The following MICU1 variants were observed in gnomAD, a reference collection of about 807,000 sequenced individuals.
The protein encoded by MICU1 is mitochondrial calcium uptake 1, also known as calcium uptake protein 1, mitochondrial.
A neutral mutation model predicts 56.8 loss-of-function variants in MICU1; 45 were observed. The observed-to-expected ratio is 0.79, with a 90% CI of 0.62 to 1.02. The LOEUF is 1.02. MICU1 is among the 50% of genes least tolerant of loss of function. MICU1 has a pLI of 0.00. For synonymous variants in MICU1, 186 were observed against 195.1 expected (o/e 0.95, Z 0.39); for missense variants, 504 against 587.1 (o/e 0.86, Z 1.46).
At chr10:72,543,882 G>A (rs1365739341) in intron 4 of MICU1, among the ~76,000 whole-genome samples, 8 of 151,942 alleles carry the variant, frequency 5.3e-5, no homozygotes, top group Non-Finnish European at 1.5e-5. Flanking sequence ...GGTAAGGGAG[G>A]AGACCACTCT....
chr10:72,596,440 A>ATTT (rs1841384258), intron 1 of MICU1, among the ~76,000 whole-genome samples: 1 of 152,152 alleles, frequency 6.6e-6, no homozygotes, highest in Non-Finnish European at 1.5e-5. Context: ...TGTCTCAAAA[A>ATTT]AAGATTTTTT....
At chr10:72,403,471 C>A (rs765788447) in intron 10 of MICU1, among the ~76,000 whole-genome samples, 5 of 151,868 alleles carry the variant, frequency 3.3e-5, no homozygotes, top group Non-Finnish European at 4.4e-5. Context: ...CCTGCTTTGA[C>A]CTACCAAAGT....
At chr10:72,484,888 GA>G (rs1231888345) in intron 6 of MICU1, among the ~76,000 whole-genome samples, 5 of 151,932 alleles carry the variant, frequency 3.3e-5, no homozygotes, top group African/African-American at 9.7e-5. Flanking sequence ...AATTCCACAA[GA>G]AACAGTAACA....
intron 1 of MICU1, among the ~76,000 whole-genome samples, chr10:72,608,093 G>A (rs1024486228): frequency 6.6e-6 from 1 of 151,948 alleles, no homozygotes; most frequent in South Asian, 2.1e-4. Flanking sequence ...TTGAGACAGG[G>A]TGTCTCACTG....
At chr10:72,487,307 A>G (rs1473969732) in intron 6 of MICU1, among the ~76,000 whole-genome samples, 1 of 152,178 alleles carries the variant, frequency 6.6e-6, no homozygotes, top group African/African-American at 2.4e-5. Flanking sequence ...CAGAAAAATT[A>G]AAGTTGACCA....
intron 1 of MICU1, among the ~76,000 whole-genome samples, chr10:72,595,383 C>T (rs186245025): frequency 2.8e-5 from 4 of 141,030 alleles, no homozygotes; most frequent in East Asian, 4.3e-4. Flanking sequence ...ACTCAGGAGA[C>T]GGAGGTTGCA....
intron 3 of MICU1, among the ~76,000 whole-genome samples, chr10:72,557,828 T>C (rs1394847902): frequency 1.3e-5 from 2 of 152,228 alleles, no homozygotes; most frequent in Non-Finnish European, 2.9e-5. Flanking sequence ...CATTTTTCTA[T>C]TCATTCTGTT....
chr10:72,475,066 T>A, intron 8 of MICU1, 34 bp downstream of exon 8: 1 of 1,569,566 alleles, frequency 6.4e-7, no homozygotes, highest in Non-Finnish European at 8.7e-7. Flanking sequence ...CAGTTCCACA[T>A]GTGATGGATC....
chr10:72,551,873 T>C (rs564705208), intron 3 of MICU1, among the ~76,000 whole-genome samples: 4 of 152,298 alleles, frequency 2.6e-5, no homozygotes, highest in Non-Finnish European at 5.9e-5. Flanking sequence ...TGGGCTCAAA[T>C]GATCCTTCCG....
intron 8 of MICU1, among the ~76,000 whole-genome samples, chr10:72,435,832 G>T (rs538444161): frequency 2.0e-5 from 3 of 152,270 alleles, no homozygotes; most frequent in Non-Finnish European, 2.9e-5. Context: ...CAGCTGGGCA[G>T]GGGGAGAGGT....
chr10:72,458,095 A>C (rs1865528290), intron 8 of MICU1, among the ~76,000 whole-genome samples: 1 of 151,788 alleles, frequency 6.6e-6, no homozygotes. Context: ...TGAACCTGGG[A>C]GGCGGAGGTT....
chr10:72,511,832 A>C (rs11000335), intron 5 of MICU1, among the ~76,000 whole-genome samples: 85,400 of 152,000 alleles, frequency 0.56, 25,330 homozygotes, highest in Non-Finnish European at 0.67. Flanking sequence ...GCAGCAGCAG[A>C]AAAGTCTGCC....
intron 1 of MICU1, among the ~76,000 whole-genome samples, chr10:72,625,513 C>G (rs1048656623): frequency 1.3e-5 from 2 of 152,218 alleles, no homozygotes; most frequent in Non-Finnish European, 2.9e-5. Context: ...AAAAACTGAA[C>G]AGTCCGAGTA....
chr10:72,550,904 G>A (rs2132443199), intron 4 of MICU1, among the ~76,000 whole-genome samples: 1 of 152,276 alleles, frequency 6.6e-6, no homozygotes, highest in East Asian at 1.9e-4. Context: ...TATGTGTAAT[G>A]TATTGCCTTC....
intron 6 of MICU1, 37 bp downstream of exon 6, chr10:72,508,118 T>C: frequency 9.3e-7 from 1 of 1,074,686 alleles, no homozygotes; most frequent in Non-Finnish European, 1.3e-6. Context: ...GTCCTGTATC[T>C]GCTCTACAAA....
At position 72,465,605 on chromosome 10, in the gene MICU1, C is replaced by T. The variant is rs536462534; in HGVS notation, c.933+9495G>A. Among the ~76,000 whole-genome samples the T allele has an allele frequency of 1.2e-4, 17 of 146,918 alleles. No homozygotes were observed. The South Asian group carries it at 1.5e-3, about 13-fold the overall frequency. ...CTTGGCTCACTGCAACCTCTGTCTC[C>T]CGGGTTCAAGTGATTCTCCTGTCTC... is the stretch of plus-strand genomic sequence containing the variant. On this transcript the variant is annotated intron_variant, in intron 8 of 11. Coordinates refer to ENST00000361114, the MANE Select transcript of MICU1 (RefSeq NM_001195518.2).
At chr10:72,427,826 T>G (rs1451044882) in intron 8 of MICU1, among the ~76,000 whole-genome samples, 1 of 151,420 alleles carries the variant, frequency 6.6e-6, no homozygotes, top group Non-Finnish European at 1.5e-5. Flanking sequence ...TGCATAGTGA[T>G]CTCAAGCCAC....
At chr10:72,413,538 G>A (rs1863892215) in intron 9 of MICU1, among the ~76,000 whole-genome samples, 1 of 152,136 alleles carries the variant, frequency 6.6e-6, no homozygotes, top group Non-Finnish European at 1.5e-5. Context: ...TTCGAGACCA[G>A]CCTGACCAAT....
Position 72,444,634 on chromosome 10 carries a change from G to A in MICU1, c.934-21263C>T, listed in dbSNP as rs568391572. 6.6e-5 allele frequency among the ~76,000 whole-genome samples: 10 copies of A among 152,122 alleles called. No individual in the cohort carries two copies. The South Asian group carries it at 2.1e-3, about 32-fold the overall frequency. On this transcript the variant is annotated intron_variant, in intron 8 of 11. Transcript: ENST00000361114. ...CTGGCTAATTTTTGTATTTTTAATA[G>A]AGACAGGGTTTCGCCATGTTGGCCA...
Sources: gnomAD v4.1 joint callset for allele counts (sites outside exome capture counted in the v4.1 genomes callset) on GRCh38, gnomAD v4.1.1 for gene constraint, MANE v1.5 for transcripts, NCBI Gene and HGNC (gene_info 2026-07-23, HGNC 2026-07-21) for gene names.